Variants in ZMYM4 observed in about 807,000 individuals in gnomAD.
ZMYM4 encodes the protein zinc finger MYM-type protein 4.
Under a neutral mutation model 183.2 loss-of-function variants are expected in ZMYM4, and 31 were observed. The ratio of observed to expected loss-of-function variants is 0.17; its 90% CI spans 0.13 to 0.23. The LOEUF (loss-of-function observed/expected upper bound fraction) is 0.23, where lower values mean the gene tolerates loss of function less well. Among genes scored for constraint, ZMYM4 ranks in the 10% least tolerant of loss-of-function variants. The pLI is 1.00. For missense variants in ZMYM4, 1,273 were observed against 1,840.3 expected (o/e 0.69, Z 5.64); for synonymous variants, 592 against 631.2 (o/e 0.94, Z 0.93).
chr1:35,302,855 G>A (rs1641353104), intron 1 of ZMYM4, among the ~76,000 whole-genome samples: 1 of 151,838 alleles, frequency 6.6e-6, no homozygotes, highest in Non-Finnish European at 1.5e-5. Flanking sequence ...TTTTTAAAAA[G>A]AGAGCCTGAT....
intron 1 of ZMYM4, among the ~76,000 whole-genome samples, chr1:35,302,030 A>G (rs542791175): frequency 2.3e-4 from 35 of 152,066 alleles, no homozygotes; most frequent in Non-Finnish European, 4.1e-4. Flanking sequence ...GCAGGAAGGT[A>G]AATCCACTCT....
At chr1:35,337,817 C>CA (rs1553169359) in intron 2 of ZMYM4, among the ~76,000 whole-genome samples, 1 of 151,842 alleles carries the variant, frequency 6.6e-6, no homozygotes, top group Non-Finnish European at 1.5e-5. Context: ...CAGGCACCTG[C>CA]AATTCCAGCT....
chr1:35,335,429 G>A (rs2148845986), intron 2 of ZMYM4, among the ~76,000 whole-genome samples: 1 of 151,998 alleles, frequency 6.6e-6, no homozygotes, highest in South Asian at 2.1e-4. Context: ...TAGAGACGAG[G>A]TTTCACCATG....
chr1:35,389,550 C>T lies in ZMYM4; in HGVS notation c.2437-398C>T, dbSNP rs973362092. ...CGGGTGGATCATGAGGTTAGGAGAT[C>T]GAGACCATCCTGGCTAACATGGTGA... is the stretch of plus-strand genomic sequence containing the variant. On this transcript the variant is annotated intron_variant, in intron 14 of 29. Transcript: ENST00000314607. This position sits in a 1 kb window ranked among gnomAD's most constrained non-coding sequence, Gnocchi z 4.0. Among the ~76,000 whole-genome samples, 79 of 151,892 alleles carry T rather than the reference C, an allele frequency of 5.2e-4. No individual in the cohort carries two copies. Among genetic ancestry groups the T allele is most frequent in the African/African-American group, 1.8e-3 (75 of 41,442 alleles).
chr1:35,305,527 C>T (rs1641496382), intron 1 of ZMYM4, among the ~76,000 whole-genome samples: 1 of 149,812 alleles, frequency 6.7e-6, no homozygotes, highest in Non-Finnish European at 1.5e-5. Context: ...GGCTGAGTGA[C>T]TCTATTCTTG....
At chr1:35,359,613 C>T (rs1008333618) in intron 3 of ZMYM4, among the ~76,000 whole-genome samples, 167 bp downstream of exon 3, 1 of 151,964 alleles carries the variant, frequency 6.6e-6, no homozygotes, top group Non-Finnish European at 1.5e-5. Context: ...GAATTTCTCC[C>T]AGTAACTTTT....
chr1:35,291,167 C>T (rs1257535453), intron 1 of ZMYM4, among the ~76,000 whole-genome samples: 2 of 152,090 alleles, frequency 1.3e-5, no homozygotes, highest in Non-Finnish European at 2.9e-5. Context: ...ATTACTGGAT[C>T]ATATAAATAC....
At chr1:35,363,674 A>G (rs1643999346) in intron 5 of ZMYM4, among the ~76,000 whole-genome samples, 1 of 152,244 alleles carries the variant, frequency 6.6e-6, no homozygotes, top group Non-Finnish European at 1.5e-5. Flanking sequence ...AGAAGAAAGT[A>G]GAAGGAATAT....
intron 2 of ZMYM4, among the ~76,000 whole-genome samples, chr1:35,333,861 T>G (rs1392172992): frequency 6.6e-6 from 1 of 152,196 alleles, no homozygotes; most frequent in Admixed American, 6.5e-5. Flanking sequence ...CTCTCTATTC[T>G]GTGATTTTAA....
chr1:35,387,642 G>GCAGTTTTTAAA, intron 13 of ZMYM4, 38 bp downstream of exon 13: 1 of 1,569,762 alleles, frequency 6.4e-7, no homozygotes, highest in Admixed American at 2.0e-5. Context: ...TGAGCATGTT[G>GCAGTTTTTAAA]GTTGTTTTAA....
In ZMYM4 at chr1:35,370,365, T is replaced by TTTTTTTTTTTTTTTTTTTTTTTC. The variant is rs1644179543; in HGVS notation, c.926-5_926-4insTTTTTTTTTTTTTTTTTTTTCTT. The stretch of plus-strand genomic sequence containing the variant: ...TTTTTTTTTTTTTTTTTTTTTTTTT[T>TTTTTTTTTTTTTTTTTTTTTTTC]TTAAAGCTCCACAGTTGACTACTGG... On this transcript the variant is annotated splice_region_variant and splice_polypyrimidine_tract_variant and intron_variant, in intron 6 of 29. Coordinates refer to ENST00000314607, the MANE Select transcript of ZMYM4 (RefSeq NM_005095.3). The TTTTTTTTTTTTTTTTTTTTTTTC allele has an allele frequency of 7.0e-7, 1 of 1,432,140 alleles. No individual in the cohort carries two copies. Among genetic ancestry groups the TTTTTTTTTTTTTTTTTTTTTTTC allele is most frequent in the African/African-American group, 1.5e-5 (1 of 66,512 alleles). 88.7% of individuals were successfully genotyped at this position (1,432,140 alleles called of 1,614,324 possible).
At position 35,268,753 on chromosome 1, in the gene ZMYM4, T is replaced by A. The variant is rs1451899336; in HGVS notation, c.-294T>A. Among the ~76,000 whole-genome samples, 1 of 152,200 alleles carries A rather than the reference T, an allele frequency of 6.6e-6. No individual in the cohort carries two copies. The highest frequency in any genetic ancestry group is 2.4e-5 in the African/African-American group (1 of 41,464). Reference sequence around the variant, plus strand: ...GAAACCGCAGGCGGAGGAATTTCTCTGAGAGAAAATAATCCTACTCACGGG... The same window carrying A: ...GAAACCGCAGGCGGAGGAATTTCTCAGAGAGAAAATAATCCTACTCACGGG... On this transcript the variant is annotated 5_prime_UTR_variant, in exon 1 of 30. Coordinates refer to ENST00000314607, the MANE Select transcript of ZMYM4 (RefSeq NM_005095.3).
At chr1:35,278,359 A>G (rs1570228538) in intron 1 of ZMYM4, among the ~76,000 whole-genome samples, 1 of 151,080 alleles carries the variant, frequency 6.6e-6, no homozygotes, top group Admixed American at 6.6e-5. Flanking sequence ...TTTACATCCC[A>G]TATGCAAAAT....
intron 7 of ZMYM4, among the ~76,000 whole-genome samples, chr1:35,374,778 C>T (rs1013205734): frequency 1.3e-4 from 19 of 151,746 alleles, no homozygotes; most frequent in Admixed American, 5.2e-4. Flanking sequence ...CCCTCTTTCT[C>T]GTTTTAAAAA....
rs767212904 is a variant in ZMYM4 at position 35,387,460 on chromosome 1, A to G, written c.2119A>G (p.Met707Val). 1 of 1,604,834 alleles carries G rather than the reference A, an allele frequency of 6.2e-7. No homozygotes were observed. Residue 707 changes from methionine (M) to valine (V), a missense_variant, in exon 13 of 30, where the codon ATG (methionine) becomes GTG (valine). By Grantham distance (21) the Met-to-Val change is conservative. Around this residue, in one of 6 missense-constraint regions of ZMYM4, gnomAD observed 319 missense variants for 518.1 expected, o/e 0.62. Transcript: ENST00000314607. ...KPELLDYKGK[M>V]FQFCGKNCSD... ...AATGATTATTTCTTTGCAGGGCAAA[A>G]TGTTTCAGTTCTGTGGCAAGAATTG...
At chr1:35,284,695 AAGTGCCCAC>A (rs1640382593) in intron 1 of ZMYM4, among the ~76,000 whole-genome samples, 1 of 152,200 alleles carries the variant, frequency 6.6e-6, no homozygotes, top group South Asian at 2.1e-4. Context: ...TCCAAGATCA[AAGTGCCCAC>A]AGGTAGGTTT....
At chr1:35,292,310 G>A (rs928905636) in intron 1 of ZMYM4, 1 of 152,196 alleles carries the variant, frequency 6.6e-6, no homozygotes, top group Non-Finnish European at 1.5e-5. Flanking sequence ...ACCTGAGCCA[G>A]TTCACTCCTC....
intron 1 of ZMYM4, among the ~76,000 whole-genome samples, chr1:35,315,849 CCAGGAGTT>C (rs1337378843): frequency 1.3e-5 from 2 of 151,978 alleles, no homozygotes; most frequent in Non-Finnish European, 1.5e-5. Context: ...TTGCTGGCGC[CCAGGAGTT>C]CAAGGCTGTG....
intron 1 of ZMYM4, among the ~76,000 whole-genome samples, chr1:35,291,994 G>A (rs1570269902): frequency 6.6e-6 from 1 of 152,070 alleles, no homozygotes; most frequent in Non-Finnish European, 1.5e-5. Context: ...ATACCATAGT[G>A]TTTTTATTTG....
Sources: gnomAD v4.1 joint callset for allele counts (sites outside exome capture counted in the v4.1 genomes callset) on GRCh38, gnomAD v4.1.1 for gene constraint, gnomAD v4.1.1 regional missense constraint, Gnocchi (gnomAD v3.1) non-coding constraint, MANE v1.5 for transcripts, NCBI Gene and HGNC (gene_info 2026-07-23, HGNC 2026-07-21) for gene names.